NINJ2: variants seen among roughly 807,000 people sequenced by gnomAD.
NINJ2 encodes ninjurin-2.
Under a neutral mutation model 11.7 loss-of-function variants are expected in NINJ2, and 12 were observed. The ratio of observed to expected loss-of-function variants is 1.02; its 90% CI spans 0.66 to 1.66. NINJ2 has a LOEUF of 1.66. NINJ2 is among the 40% of genes most tolerant of loss of function. The pLI is 0.00. For missense variants in NINJ2, 187 were observed against 181.8 expected, an observed-to-expected ratio of 1.03 and a Z score of -0.16; for synonymous variants, 93 against 76.8, an observed-to-expected ratio of 1.21 and a Z score of -1.10.
chr12:567,961 C>T (rs1432896123), intron 1 of NINJ2, among the ~76,000 whole-genome samples: 2 of 152,136 alleles, frequency 1.3e-5, no homozygotes, highest in Admixed American at 6.5e-5. Context: ...GAGCAGAGAT[C>T]GCACCATTGC....
chr12:626,005 T>G (rs1393453226), intron 1 of NINJ2, among the ~76,000 whole-genome samples: 1 of 152,206 alleles, frequency 6.6e-6, no homozygotes, highest in Non-Finnish European at 1.5e-5. Flanking sequence ...CTGTAAGAGT[T>G]TCATTAAATT....
chr12:615,577 G>A (rs1017725377), intron 1 of NINJ2, among the ~76,000 whole-genome samples: 2 of 152,014 alleles, frequency 1.3e-5, no homozygotes, highest in African/African-American at 2.4e-5. Context: ...CGACAAGAGC[G>A]AAACTCCATC....
intron 1 of NINJ2, among the ~76,000 whole-genome samples, chr12:599,816 G>C (rs1199581005): frequency 6.6e-6 from 1 of 152,084 alleles, no homozygotes; most frequent in Non-Finnish European, 1.5e-5. Flanking sequence ...ACGCCCGGGG[G>C]GCTCACATTC....
At chr12:659,543 A>T (rs1937928605) in intron 1 of NINJ2, among the ~76,000 whole-genome samples, 1 of 152,184 alleles carries the variant, frequency 6.6e-6, no homozygotes, top group Non-Finnish European at 1.5e-5. Flanking sequence ...GAAGGCAGGG[A>T]GAAGGGCAGA....
chr12:575,686 G>A (rs1440846981), intron 1 of NINJ2, among the ~76,000 whole-genome samples: 7 of 152,152 alleles, frequency 4.6e-5, no homozygotes, highest in Admixed American at 3.9e-4. Context: ...TCAGCACCTT[G>A]CCCACATGAG....
chr12:622,434 A>AAAAAG (rs1206701601), intron 1 of NINJ2, among the ~76,000 whole-genome samples: 1 of 144,238 alleles, frequency 6.9e-6, no homozygotes, highest in African/African-American at 2.7e-5. Context: ...AAAAAAAAAA[A>AAAAAG]GGAAAGAAAG....
chr12:640,108 C>T lies in NINJ2; in HGVS notation c.33+23220G>A, dbSNP rs1948401301. The stretch of plus-strand genomic sequence containing the variant: ...GCAATATGTATCCCCAGTTCACACA[C>T]GGAATGTTTGCTCTCTAGCAGCCAA... On this transcript the variant is annotated intron_variant, in intron 1 of 3. Transcript: ENST00000305108. This position sits in a 1 kb window ranked among gnomAD's most constrained non-coding sequence, Gnocchi z 4.0. Among the ~76,000 whole-genome samples, 1 of 152,192 alleles carries T rather than the reference C, an allele frequency of 6.6e-6. No homozygotes were observed. Among genetic ancestry groups the T allele is most frequent in the Admixed American group, 6.5e-5 (1 of 15,280 alleles).
At chr12:607,884 G>A (rs1212808046) in intron 1 of NINJ2, among the ~76,000 whole-genome samples, 2 of 152,202 alleles carry the variant, frequency 1.3e-5, no homozygotes, top group African/African-American at 4.8e-5. Flanking sequence ...CTTGGCAGGA[G>A]CAAAGTTGCC....
chr12:658,031 C>T (rs917598984), intron 1 of NINJ2, among the ~76,000 whole-genome samples: 1 of 118,120 alleles, frequency 8.5e-6, no homozygotes, highest in African/African-American at 3.2e-5. Context: ...CAGAGTCTCA[C>T]TCTGTCACTC....
chr12:644,328 A>G (rs1251458669), intron 1 of NINJ2: 1 of 152,286 alleles, frequency 6.6e-6, no homozygotes, highest in Non-Finnish European at 1.5e-5. Context: ...TGCATTTCCA[A>G]CAAGCTCCCA....
chr12:629,254 A>C (rs1948241882), intron 1 of NINJ2, among the ~76,000 whole-genome samples: 1 of 152,146 alleles, frequency 6.6e-6, no homozygotes, highest in South Asian at 2.1e-4. Context: ...TTCATTTTAC[A>C]TGTGGGAAAA....
intron 1 of NINJ2, among the ~76,000 whole-genome samples, chr12:588,388 A>G (rs1190771472): frequency 6.6e-6 from 1 of 152,252 alleles, no homozygotes; most frequent in Non-Finnish European, 1.5e-5. Context: ...AATACATTTG[A>G]CTGCATAAAA....
intron 1 of NINJ2, among the ~76,000 whole-genome samples, chr12:587,754 G>T (rs1457278522): frequency 1.3e-5 from 2 of 152,232 alleles, no homozygotes; most frequent in Non-Finnish European, 2.9e-5. Context: ...CTGTAGAGCA[G>T]ATTGAACACC....
At chr12:630,254 G>A (rs530265531) in intron 1 of NINJ2, among the ~76,000 whole-genome samples, 5 of 152,180 alleles carry the variant, frequency 3.3e-5, no homozygotes, top group Admixed American at 3.3e-4. Context: ...TGAAAATAGA[G>A]TTTTTGAAAG....
In NINJ2 at chr12:658,177, TTAG is replaced by T. The variant is rs149518071; in HGVS notation, c.33+5148_33+5150del. Among the ~76,000 whole-genome samples, 610 of 152,060 alleles carry T rather than the reference TTAG, an allele frequency of 4.0e-3. 28 individuals are homozygous for T. The East Asian group carries it at 0.1, about 25-fold the overall frequency. On this transcript the variant is annotated intron_variant, in intron 1 of 3. Transcript: ENST00000305108. ...CCATGCCTGGCTAATTTTTGTATTT[TTAG>T]TAGAAGTGGGGTTTCACCATGTTAG...
chr12:626,299 G>C (rs533117707), intron 1 of NINJ2, among the ~76,000 whole-genome samples: 2 of 152,330 alleles, frequency 1.3e-5, no homozygotes, highest in South Asian at 4.1e-4. Flanking sequence ...CTACATTCAC[G>C]GGAACCTTGG....
At chr12:630,122 T>G (rs1015200195) in intron 1 of NINJ2, among the ~76,000 whole-genome samples, 14 of 151,350 alleles carry the variant, frequency 9.3e-5, no homozygotes, top group African/African-American at 3.4e-4. Context: ...AACGCCAAGA[T>G]AGCAAAATGG....
At chr12:572,778 G>A (rs891285101) in intron 1 of NINJ2, among the ~76,000 whole-genome samples, 7 of 151,580 alleles carry the variant, frequency 4.6e-5, no homozygotes, top group Non-Finnish European at 1.5e-5. Flanking sequence ...GGCTCAGAGA[G>A]ACTAAGTAAC....
intron 1 of NINJ2, among the ~76,000 whole-genome samples, chr12:620,638 G>GTTTT (rs1948142748): frequency 6.6e-6 from 1 of 152,026 alleles, no homozygotes; most frequent in African/African-American, 2.4e-5. Flanking sequence ...TTGTTTGTTT[G>GTTTT]TTTGTTTTTG....
Sources: gnomAD v4.1 joint callset for allele counts (sites outside exome capture counted in the v4.1 genomes callset) on GRCh38, gnomAD v4.1.1 for gene constraint, Gnocchi (gnomAD v3.1) non-coding constraint, MANE v1.5 for transcripts, NCBI Gene and HGNC (gene_info 2026-07-23, HGNC 2026-07-21) for gene names.